PRELID2: variants seen among roughly 807,000 people sequenced by gnomAD.
PRELID2 encodes the protein PRELI domain-containing protein 2.
Under a neutral mutation model 28.4 loss-of-function variants are expected in PRELID2, and 25 were observed. That is an observed-to-expected ratio of 0.88 (90% CI 0.64 to 1.23). The LOEUF (loss-of-function observed/expected upper bound fraction) is 1.23, where lower values mean the gene tolerates loss of function less well. Among genes scored for constraint, PRELID2 ranks in the 50% most tolerant of loss-of-function variants. PRELID2 has a pLI of 0.00. For synonymous variants in PRELID2, 76 were observed against 71.6 expected (o/e 1.06, Z -0.31); for missense variants, 201 against 214.4 (o/e 0.94, Z 0.39).
chr5:145,230,607 A>G, the PRELID2 span, among the ~76,000 whole-genome samples: 16 of 152,214 alleles, frequency 1.1e-4, no homozygotes, highest in African/African-American at 3.9e-4. Context: ...AAAGAAAAAA[A>G]TGAAGAGTCT....
intron 1 of PRELID2, among the ~76,000 whole-genome samples, chr5:145,498,787 C>T (rs1277520244): frequency 1.3e-5 from 2 of 151,866 alleles, no homozygotes; most frequent in Non-Finnish European, 2.9e-5. Flanking sequence ...CTCAAGTGAT[C>T]TGCTGGTCTC....
At chr5:145,743,371 A>G (rs1581130033) in intron 1 of PRELID2, among the ~76,000 whole-genome samples, 1 of 147,132 alleles carries the variant, frequency 6.8e-6, no homozygotes, top group African/African-American at 2.5e-5. Context: ...AGATTGCACC[A>G]TTGTACTCCA....
the PRELID2 span, among the ~76,000 whole-genome samples, chr5:145,368,966 A>G: frequency 6.6e-6 from 1 of 151,170 alleles, no homozygotes. Flanking sequence ...CCCTCTTCAC[A>G]CCCTCAACCC....
chr5:145,369,010 A>G, the PRELID2 span, among the ~76,000 whole-genome samples: 1 of 151,002 alleles, frequency 6.6e-6, no homozygotes, highest in African/African-American at 2.4e-5. Flanking sequence ...GTTCCCCTCT[A>G]TGTGTCCGTG....
intron 1 of PRELID2, among the ~76,000 whole-genome samples, chr5:145,657,014 T>C (rs1224443515): frequency 6.6e-6 from 1 of 152,194 alleles, no homozygotes; most frequent in Non-Finnish European, 1.5e-5. Flanking sequence ...AAGCATCTAG[T>C]ACAGTGCCTG....
At chr5:145,740,951 T>C (rs1244529877) in intron 1 of PRELID2, among the ~76,000 whole-genome samples, 633 of 41,504 alleles carry the variant, frequency 0.015, 71 homozygotes, top group Middle Eastern at 0.071. Flanking sequence ...CATATATTTA[T>C]CTATAAATAA....
chr5:145,261,491 A>ATCACATCACAGGACTCTCTGCAG, the PRELID2 span, among the ~76,000 whole-genome samples: 1 of 152,176 alleles, frequency 6.6e-6, no homozygotes, highest in Admixed American at 6.5e-5. Flanking sequence ...CTGAAGACAG[A>ATCACATCACAGGACTCTCTGCAG]TCACATCACA....
intron 1 of PRELID2, among the ~76,000 whole-genome samples, chr5:145,628,869 G>A (rs916695288): frequency 3.9e-5 from 6 of 152,260 alleles, no homozygotes; most frequent in Admixed American, 2.6e-4. Flanking sequence ...CGTGGAAAAC[G>A]GTTGCAGAAT....
chr5:145,345,987 G>A, the PRELID2 span, among the ~76,000 whole-genome samples: 1 of 152,076 alleles, frequency 6.6e-6, no homozygotes, highest in Non-Finnish European at 1.5e-5. Context: ...AAATAGCTAG[G>A]AGTCTGCTGG....
chr5:145,281,401 A>C, the PRELID2 span, among the ~76,000 whole-genome samples: 2 of 152,218 alleles, frequency 1.3e-5, no homozygotes, highest in African/African-American at 4.8e-5. Context: ...TCAGATGTAG[A>C]TAGCCCCTAC....
chr5:145,630,332 T>C (rs1224254246), intron 1 of PRELID2, among the ~76,000 whole-genome samples: 1 of 152,196 alleles, frequency 6.6e-6, no homozygotes, highest in East Asian at 1.9e-4. Context: ...GGAGAGGAAC[T>C]GGGTGACTGG....
At chr5:145,252,074 AC>A in the PRELID2 span, among the ~76,000 whole-genome samples, 2 of 152,106 alleles carry the variant, frequency 1.3e-5, no homozygotes, top group Admixed American at 1.3e-4. Context: ...AGAATCAGAA[AC>A]GCCTAGAGGT....
chr5:145,641,218 T>C (rs1376644066), intron 1 of PRELID2, among the ~76,000 whole-genome samples: 2 of 151,752 alleles, frequency 1.3e-5, no homozygotes, highest in African/African-American at 4.8e-5. Flanking sequence ...AAAACATAAA[T>C]TACAATATGG....
At chr5:145,719,881 T>C (rs2149716369) in intron 1 of PRELID2, among the ~76,000 whole-genome samples, 1 of 151,494 alleles carries the variant, frequency 6.6e-6, no homozygotes, top group South Asian at 2.1e-4. Flanking sequence ...TTAAATCAGA[T>C]CATCAAAATC....
chr5:145,487,244 TA>T (rs61513901), intron 1 of PRELID2, among the ~76,000 whole-genome samples: 14 of 148,756 alleles, frequency 9.4e-5, no homozygotes, highest in Non-Finnish European at 1.9e-4. Flanking sequence ...AGTATAATAA[TA>T]AAAAAAAAGA....
chr5:145,740,300 ATATATATATATATATATAT>A (rs1279961451), intron 1 of PRELID2, among the ~76,000 whole-genome samples: 12 of 100,704 alleles, frequency 1.2e-4, no homozygotes, highest in African/African-American at 4.9e-4. Flanking sequence ...ATATATATAT[ATATATATATATATATATAT>A]AAATCCTAAA....
intron 5 of PRELID2, among the ~76,000 whole-genome samples, chr5:145,787,304 C>T (rs1314657058): frequency 6.6e-6 from 1 of 152,196 alleles, no homozygotes; most frequent in African/African-American, 2.4e-5. Context: ...TCTCCTAAGC[C>T]TCCCCAGAGA....
At position 145,740,855 on chromosome 5, in the gene PRELID2, TAC is replaced by T. The variant is rs1334677344; in HGVS notation, n.70+24074_70+24075del. ...ATATATTTATCGATAAATATATATGTACATATATTTATCGATAAATATATATG... is the reference window on the plus strand; with the variant it reads ...ATATATTTATCGATAAATATATATGTATATATTTATCGATAAATATATATG... On this transcript the variant is annotated intron_variant and non_coding_transcript_variant, in intron 1 of 2. Transcript: ENST00000510259. 2.2e-3 allele frequency among the ~76,000 whole-genome samples: 67 copies of T among 30,358 alleles called. 9 individuals are homozygous for T. Among genetic ancestry groups the T allele is most frequent in the African/African-American group, 5.5e-3 (59 of 10,638 alleles). The allele number at this position is 30,358 out of a possible 152,430, so 19.9% of individuals were successfully genotyped here.
rs116123659 is a variant in PRELID2, at chr5:145,661,296, G to T, written n.70+103635C>A. 1.4e-3 allele frequency among the ~76,000 whole-genome samples: 212 copies of T among 152,150 alleles called. 1 individual carries two copies. The highest frequency in any genetic ancestry group is 2.7e-3 in the Non-Finnish European group (182 of 67,998). ...TTTCCTTACGTTTCAGTAAGCATACGGTCTCTTTTGGCACCAGCTTAATGG... is the reference window on the plus strand; with the variant it reads ...TTTCCTTACGTTTCAGTAAGCATACTGTCTCTTTTGGCACCAGCTTAATGG... On this transcript the variant is annotated intron_variant and non_coding_transcript_variant, in intron 1 of 2. Transcript: ENST00000510259.
Sources: gnomAD v4.1 joint callset for allele counts (sites outside exome capture counted in the v4.1 genomes callset) on GRCh38, gnomAD v4.1.1 for gene constraint, MANE v1.5 for transcripts, NCBI Gene and HGNC (gene_info 2026-07-23, HGNC 2026-07-21) for gene names.